Variants in PABPN1 observed in about 807,000 individuals in gnomAD.
PABPN1 encodes poly(A) binding protein nuclear 1.
PABPN1 carries 5 observed loss-of-function variants against 33.4 expected under a neutral mutation model. The ratio of observed to expected loss-of-function variants is 0.15; its 90% CI spans 0.08 to 0.32. PABPN1 has a LOEUF of 0.32. Ranked by LOEUF, PABPN1 falls within the 10% of genes least tolerant of loss-of-function variation. The probability of loss-of-function intolerance (pLI) is 1.00; values close to 1 mark genes in which losing one functional copy is unlikely to be tolerated. For synonymous variants in PABPN1, 176 were observed against 170.6 expected (o/e 1.03, Z -0.25); for missense variants, 312 against 425.8 (o/e 0.73, Z 2.35).
intron 2 of PABPN1, 105 bp from the exon 3 acceptor site, chr14:23,322,894 G>A: frequency 1.3e-6 from 2 of 1,509,262 alleles, no homozygotes; most frequent in African/African-American, 1.4e-5. Context: ...CAAAATCTTT[G>A]CCTTCACTGA....
Position 23,321,477 on chromosome 14 carries a change from C to T in PABPN1, c.8C>T (p.Ala3Val), listed in dbSNP as rs1303888031. MA[A>V]AAAAAAAAGA... ...GCCCCAGTCTGAGCGGCGATGGCGG[C>T]GGCGGCGGCGGCGGCAGCAGCAGCG... Residue 3 changes from alanine to valine, a missense_variant, in exon 1 of 7, where the codon GCG becomes GTG. Coordinates refer to ENST00000216727, the MANE Select transcript of PABPN1 (RefSeq NM_004643.4). 1.7e-6 allele frequency: 2 copies of T among 1,163,112 alleles called. No individual in the cohort carries two copies. Among genetic ancestry groups the T allele is most frequent in the Non-Finnish European group, 2.1e-6 (2 of 945,276 alleles). The allele number at this position is 1,163,112 out of a possible 1,614,324, so 72.0% of individuals were successfully genotyped here.
intron 3 of PABPN1, 25 bp downstream of exon 3, chr14:23,323,091 G>A: frequency 1.2e-6 from 2 of 1,613,774 alleles, no homozygotes; most frequent in Non-Finnish European, 1.7e-6. Context: ...TCTGACTGGG[G>A]TTGGGGGCAA....
rs1462063313 is a variant in PABPN1 at position 23,321,676 on chromosome 14, G to T, written c.207G>T (p.Glu69Asp). ...ELLLEPEPEP[E>D]PEEEPPRPRA... ...TGCTGGAGCCCGAGCCGGAGCCCGA[G>T]CCCGAAGAGGAGCCGCCCCGGCCCC... The change falls in exon 1 of 7, where the codon GAG (glutamate) becomes GAT (aspartate). Residue 69 changes from glutamate (E) to aspartate (D), a missense_variant. Glu to Asp is a conservative substitution (Grantham distance 45, BLOSUM62 2). This residue lies in a region of PABPN1 where 167 missense variants were observed against 168.9 expected (regional missense o/e 0.99). Coordinates refer to ENST00000216727, the MANE Select transcript of PABPN1 (RefSeq NM_004643.4). 2 of 1,522,874 alleles carry T rather than the reference G, an allele frequency of 1.3e-6. No homozygotes were observed. The highest frequency in any genetic ancestry group is 1.8e-6 in the Non-Finnish European group (2 of 1,125,406). 94.3% of individuals were successfully genotyped at this position (1,522,874 alleles called of 1,614,324 possible). A position where few individuals can be genotyped will look rare whatever the true frequency, so the allele number is the denominator to read the frequency against.
rs1888715734 is a variant in PABPN1 at position 23,325,829 on chromosome 14, T to C, written c.*543T>C. ...TGATCTATTTTGTTTCCTTTTGTGT[T>C]TCTTTTTCTGTTTTGAGTGTCTTTC... On this transcript the variant is annotated 3_prime_UTR_variant, in exon 7 of 7. Coordinates refer to ENST00000216727, the MANE Select transcript of PABPN1 (RefSeq NM_004643.4). The C allele has an allele frequency of 1.3e-5, 2 of 154,930 alleles. No individual in the cohort carries two copies. The highest frequency in any genetic ancestry group is 2.9e-5 in the Non-Finnish European group (2 of 69,520). 9.6% of individuals were successfully genotyped at this position (154,930 alleles called of 1,614,324 possible). A position where few individuals can be genotyped will look rare whatever the true frequency, so the allele number is the denominator to read the frequency against.
intron 4 of PABPN1, 72 bp from the exon 5 acceptor site, chr14:23,323,893 C>A: frequency 6.7e-7 from 1 of 1,502,284 alleles, no homozygotes; most frequent in Non-Finnish European, 9.2e-7. Context: ...CAAAACGAAG[C>A]ATGCCTGCAG....
chr14:23,321,927 G>GGCCC, intron 1 of PABPN1, 107 bp downstream of exon 1: 1 of 458,120 alleles, frequency 2.2e-6, no homozygotes, highest in Non-Finnish European at 4.0e-6. Context: ...GTTGGGCGGG[G>GGCCC]AATAACGTGG....
In PABPN1 at chr14:23,325,500, G is replaced by A. The variant is rs894880223; in HGVS notation, c.*214G>A. ...AGTAGGGGAAGGCCCAGGGAGTGGG[G>A]CAGGGGGCTGCTTATTCACTCTGGG... On this transcript the variant is annotated 3_prime_UTR_variant, in exon 7 of 7. Transcript: ENST00000216727. 3 of 611,152 alleles carry A rather than the reference G, an allele frequency of 4.9e-6. No individual in the cohort carries two copies. Among genetic ancestry groups the A allele is most frequent in the Non-Finnish European group, 5.6e-6 (2 of 360,270 alleles). The allele number at this position is 611,152 out of a possible 1,614,324, so 37.9% of individuals were successfully genotyped here.
chr14:23,325,061 C>G lies in PABPN1; in HGVS notation c.882-186C>G, dbSNP rs1293671803. 7 of 709,164 alleles carry G rather than the reference C, an allele frequency of 9.9e-6. No homozygotes were observed. In the African/African-American group the frequency reaches 1.3e-4, roughly 13 times the overall value. 43.9% of individuals were successfully genotyped at this position (709,164 alleles called of 1,614,324 possible). On this transcript the variant is annotated intron_variant, in intron 6 of 6. Transcript: ENST00000216727. ...GTTTGGCAGTTTTCTGTTAAGCCCC[C>G]CTCCCCCTGCCCCAGTTCTCCAGGT...
chr14:23,322,087 G>A, intron 1 of PABPN1, 94 bp from the exon 2 acceptor site: 2 of 1,322,836 alleles, frequency 1.5e-6, no homozygotes, highest in South Asian at 2.5e-5. Flanking sequence ...AAATGGCCGA[G>A]CATGGCTGAG....
At chr14:23,324,098 G>C in intron 5 of PABPN1, 40 bp from the exon 6 acceptor site, 1 of 1,614,146 alleles carries the variant, frequency 6.2e-7, no homozygotes. Flanking sequence ...AAACTCTCCA[G>C]GTTGCCTTTA....
At chr14:23,321,970 G>A (rs1296662041) in intron 1 of PABPN1, 150 bp downstream of exon 1, 2 of 771,070 alleles carry the variant, frequency 2.6e-6, no homozygotes, top group Non-Finnish European at 4.1e-6. Flanking sequence ...ATGGGTCAGC[G>A]ATCACTACAA....
chr14:23,323,591 T>G (rs1195602704), intron 4 of PABPN1, 108 bp downstream of exon 4: 2 of 1,068,930 alleles, frequency 1.9e-6, no homozygotes, highest in Non-Finnish European at 2.8e-6. Flanking sequence ...AGGTGATCTG[T>G]GTCATTTAAG....
rs1428112128 is a variant in PABPN1 at position 23,324,286 on chromosome 14, A to G, written c.878A>G (p.Tyr293Cys). The G allele has an allele frequency of 6.8e-6, 11 of 1,612,222 alleles. No homozygotes were observed. The highest frequency in any genetic ancestry group is 1.7e-5 in the Admixed American group (1 of 59,994). The change falls in exon 6 of 7, where the codon TAC becomes TGC. Residue 293 changes from tyrosine (Y) to cysteine (C), a missense_variant. Coordinates refer to ENST00000216727, the MANE Select transcript of PABPN1 (RefSeq NM_004643.4). ...AACAGCAGGCCCCGGGGTCGCGTCTACAGGTCAGGATAGATGGGCTGCTCC... is the reference window on the plus strand; with the variant it reads ...AACAGCAGGCCCCGGGGTCGCGTCTGCAGGTCAGGATAGATGGGCTGCTCC... Reference protein sequence around the residue: ...GFNSRPRGRVYRGRARATSWY... With the variant: ...GFNSRPRGRVCRGRARATSWY...
intron 4 of PABPN1, 28 bp downstream of exon 4, chr14:23,323,511 A>G (rs769462736): frequency 1.3e-6 from 2 of 1,583,720 alleles, no homozygotes; most frequent in South Asian, 2.2e-5. Context: ...AGTTGAGATA[A>G]TTTAAATTAC....
chr14:23,324,243 C>G lies in PABPN1; in HGVS notation c.835C>G (p.Arg279Gly). ...CACCAACTACAACAGCTCCCGCTCT[C>G]GATTCTACAGTGGTTTTAACAGCAG... is the stretch of plus-strand genomic sequence containing the variant. ...RTTNYNSSRS[R>G]FYSGFNSRPR... Residue 279 changes from arginine to glycine, a missense_variant, in exon 6 of 7, where the codon CGA becomes GGA. This residue lies in a region of PABPN1 where 68 missense variants were observed against 71.1 expected (regional missense o/e 0.96). Coordinates refer to ENST00000216727, the MANE Select transcript of PABPN1 (RefSeq NM_004643.4). 1 of 1,614,104 alleles carries G rather than the reference C, an allele frequency of 6.2e-7. No individual in the cohort carries two copies. The highest frequency in any genetic ancestry group is 8.5e-7 in the Non-Finnish European group (1 of 1,180,050).
Position 23,321,497 on chromosome 14 carries a change from G to C in PABPN1, c.28G>C (p.Ala10Pro), listed in dbSNP as rs1220650804. 2 of 1,217,104 alleles carry C rather than the reference G, an allele frequency of 1.6e-6. No homozygotes were observed. Among genetic ancestry groups the C allele is most frequent in the Admixed American group, 4.4e-5 (1 of 22,698 alleles). The allele number at this position is 1,217,104 out of a possible 1,614,324, so 75.4% of individuals were successfully genotyped here. The change falls in exon 1 of 7, where the codon GCA (alanine) becomes CCA (proline). Residue 10 changes from alanine to proline, a missense_variant. By Grantham distance (27) the Ala-to-Pro change is conservative. Transcript: ENST00000216727. ...GGCGGCGGCGGCGGCGGCGGCAGCA[G>C]CAGCGGGGGCTGCGGGCGGTCGGGG... Reference protein sequence around the residue: MAAAAAAAAAAGAAGGRGSG... With the variant: MAAAAAAAAPAGAAGGRGSG...
chr14:23,323,087 TG>T, intron 3 of PABPN1, 21 bp downstream of exon 3: 1 of 1,613,944 alleles, frequency 6.2e-7, no homozygotes, highest in Non-Finnish European at 8.5e-7. Context: ...GGGCTCTGAC[TG>T]GGGTTGGGGG....
rs762608789 is a variant in PABPN1, at chr14:23,323,367, C to T, written c.535-10C>T. ...GCCTGGTGCCTGTGAAATTTTTCTC[C>T]TCTCATCAGGTGGACTATGGTGCAA... On this transcript the variant is annotated splice_polypyrimidine_tract_variant and intron_variant, in intron 3 of 6. Coordinates refer to ENST00000216727, the MANE Select transcript of PABPN1 (RefSeq NM_004643.4). 57 of 1,612,482 alleles carry T rather than the reference C, an allele frequency of 3.5e-5. No homozygotes were observed. The highest frequency in any genetic ancestry group is 4.6e-5 in the Non-Finnish European group (54 of 1,179,794).
At chr14:23,325,150 T>A (rs1339739840) in intron 6 of PABPN1, 97 bp from the exon 7 acceptor site, 2 of 1,531,338 alleles carry the variant, frequency 1.3e-6, no homozygotes, top group Non-Finnish European at 1.8e-6. Context: ...TTTCCCCCCT[T>A]CCCTTCACAG....
Sources: allele counts gnomAD v4.1 joint callset, GRCh38; gene constraint gnomAD v4.1.1; regional missense constraint gnomAD v4.1.1; transcripts MANE v1.5; gene names NCBI Gene and HGNC (gene_info 2026-07-23, HGNC 2026-07-21).